RBMS3: variants seen among roughly 807,000 people sequenced by gnomAD.
RBMS3 encodes RNA-binding motif, single-stranded-interacting protein 3.
Under a neutral mutation model 66.8 loss-of-function variants are expected in RBMS3, and 27 were observed. That is an observed-to-expected ratio of 0.40 (90% CI 0.30 to 0.56). RBMS3 has a LOEUF of 0.56. Among genes scored for constraint, RBMS3 ranks in the 20% least tolerant of loss-of-function variants. RBMS3 has a pLI of 0.40. For synonymous variants in RBMS3, 188 were observed against 183.0 expected, an observed-to-expected ratio of 1.03 and a Z score of -0.22; for missense variants, 513 against 549.5, an observed-to-expected ratio of 0.93 and a Z score of 0.66.
At chr3:29,998,368 C>T (rs1699391455) in intron 14 of RBMS3, among the ~76,000 whole-genome samples, 1 of 152,076 alleles carries the variant, frequency 6.6e-6, no homozygotes, top group African/African-American at 2.4e-5. Flanking sequence ...TCAATGCCAT[C>T]CCCATCAAGC....
At chr3:29,631,158 T>C (rs902224606) in intron 4 of RBMS3, among the ~76,000 whole-genome samples, 2 of 151,972 alleles carry the variant, frequency 1.3e-5, no homozygotes, top group African/African-American at 4.8e-5. Context: ...TAACTATCAC[T>C]GTAAAGACAA....
chr3:29,604,595 C>A (rs2048259599), intron 4 of RBMS3, among the ~76,000 whole-genome samples: 1 of 151,934 alleles, frequency 6.6e-6, no homozygotes, highest in African/African-American at 2.4e-5. Flanking sequence ...AAAGAAGAAT[C>A]CAACTGACTA....
chr3:29,587,245 TTTTTG>T lies in RBMS3; in HGVS notation c.399+42_399+46del, dbSNP rs757648277. On this transcript the variant is annotated intron_variant, in intron 4 of 14. Coordinates refer to ENST00000383767, the MANE Select transcript of RBMS3 (RefSeq NM_001003793.3). ...TAGGGGTGTTTTTTTTTTTTTTTTT[TTTTTG>T]TGTGTGTGTGTGTGTGTGTGTGTGT... The T allele has an allele frequency of 1.9e-3, 1,560 of 802,500 alleles. 4 individuals are homozygous for T. The highest frequency in any genetic ancestry group is 8.3e-3 in the South Asian group (377 of 45,484). The allele number at this position is 802,500 out of a possible 1,614,324, so 49.7% of individuals were successfully genotyped here.
At chr3:29,595,168 G>C (rs1229910909) in intron 4 of RBMS3, among the ~76,000 whole-genome samples, 2 of 152,060 alleles carry the variant, frequency 1.3e-5, no homozygotes. Context: ...GGAGGCCGAG[G>C]CAGGAGGATC....
At chr3:29,820,011 A>G (rs1193572881) in intron 6 of RBMS3, among the ~76,000 whole-genome samples, 3 of 151,942 alleles carry the variant, frequency 2.0e-5, no homozygotes, top group African/African-American at 7.3e-5. Context: ...CCTGGCCAAC[A>G]TGGCGATACC....
At chr3:29,285,855 A>G (rs2032286419) in intron 1 of RBMS3, among the ~76,000 whole-genome samples, 1 of 152,150 alleles carries the variant, frequency 6.6e-6, no homozygotes, top group Admixed American at 6.5e-5. Flanking sequence ...GATATTCTTA[A>G]AGATGTGAAT....
At chr3:29,479,622 A>G (rs960317028) in intron 2 of RBMS3, among the ~76,000 whole-genome samples, 1 of 152,240 alleles carries the variant, frequency 6.6e-6, no homozygotes, top group African/African-American at 2.4e-5. Flanking sequence ...TGATCAAATA[A>G]GTCAAAACAT....
chr3:30,001,959 G>A (rs1240624510), intron 14 of RBMS3, among the ~76,000 whole-genome samples: 2 of 151,980 alleles, frequency 1.3e-5, no homozygotes, highest in African/African-American at 2.4e-5. Context: ...TTCTAGGACA[G>A]AGGAGATCGG....
chr3:30,000,511 C>A (rs1305817348), intron 14 of RBMS3, among the ~76,000 whole-genome samples: 4 of 152,076 alleles, frequency 2.6e-5, no homozygotes, highest in African/African-American at 9.7e-5. Context: ...ACCAGAAATA[C>A]CATTTGACCC....
intron 12 of RBMS3, among the ~76,000 whole-genome samples, chr3:29,974,760 C>A (rs1412725111): frequency 2.0e-5 from 3 of 148,104 alleles, no homozygotes; most frequent in Admixed American, 1.4e-4. Context: ...ATTTATAGAG[C>A]ACTTTGTTTC....
intron 10 of RBMS3, among the ~76,000 whole-genome samples, chr3:29,908,448 A>G (rs988612247): frequency 6.6e-6 from 1 of 152,276 alleles, no homozygotes; most frequent in African/African-American, 2.4e-5. Flanking sequence ...TAGGCCATAT[A>G]GTTCTTAAGT....
chr3:29,489,115 T>C (rs1212885687), intron 3 of RBMS3, among the ~76,000 whole-genome samples: 1 of 152,224 alleles, frequency 6.6e-6, no homozygotes, highest in African/African-American at 2.4e-5. Flanking sequence ...GGAACCTGTA[T>C]GGTCTCTCTT....
At chr3:29,302,465 G>T (rs943350261) in intron 1 of RBMS3, among the ~76,000 whole-genome samples, 10 of 151,912 alleles carry the variant, frequency 6.6e-5, no homozygotes, top group Non-Finnish European at 2.9e-5. Flanking sequence ...TTCATCATGT[G>T]ATTGGAAAGA....
intron 6 of RBMS3, among the ~76,000 whole-genome samples, chr3:29,841,934 A>T (rs1182542226): frequency 6.6e-6 from 1 of 152,114 alleles, no homozygotes; most frequent in Admixed American, 6.5e-5. Flanking sequence ...GGTGTAAAAG[A>T]GAAGACCTTA....
intron 4 of RBMS3, among the ~76,000 whole-genome samples, chr3:29,653,645 A>C (rs2050218342): frequency 6.6e-6 from 1 of 152,166 alleles, no homozygotes; most frequent in South Asian, 2.1e-4. Flanking sequence ...TCACACGAAT[A>C]AAACTTTCAT....
At chr3:29,415,252 C>A (rs2040434754) in intron 1 of RBMS3, among the ~76,000 whole-genome samples, 1 of 152,114 alleles carries the variant, frequency 6.6e-6, no homozygotes, top group African/African-American at 2.4e-5. Context: ...GAAATTAAAT[C>A]TTTTATTGAG....
chr3:29,709,985 C>G (rs533760094), intron 4 of RBMS3, among the ~76,000 whole-genome samples: 1 of 152,214 alleles, frequency 6.6e-6, no homozygotes, highest in South Asian at 2.1e-4. Flanking sequence ...AGAAAAAACA[C>G]GTTACCATTT....
At chr3:29,748,100 A>C (rs1373828746) in intron 5 of RBMS3, among the ~76,000 whole-genome samples, 1 of 152,210 alleles carries the variant, frequency 6.6e-6, no homozygotes, top group Non-Finnish European at 1.5e-5. Flanking sequence ...TAAGAGAATG[A>C]TGTTCTGTCT....
intron 12 of RBMS3, among the ~76,000 whole-genome samples, chr3:29,978,784 A>T (rs1237024233): frequency 6.6e-6 from 1 of 152,132 alleles, no homozygotes; most frequent in Non-Finnish European, 1.5e-5. Flanking sequence ...AGATCTTAAG[A>T]CCTTATTTAC....
Sources: allele counts gnomAD v4.1 joint callset (sites outside exome capture counted in the v4.1 genomes callset), GRCh38; gene constraint gnomAD v4.1.1; transcripts MANE v1.5; gene names NCBI Gene and HGNC (gene_info 2026-07-23, HGNC 2026-07-21).